CCDC136: variants seen among roughly 807,000 people sequenced by gnomAD.
CCDC136 encodes the protein coiled-coil domain containing 136.
A neutral mutation model predicts 141.2 loss-of-function variants in CCDC136; 100 were observed. The observed-to-expected ratio is 0.71, with a 90% CI of 0.60 to 0.84. The LOEUF is 0.84. Among genes scored for constraint, CCDC136 ranks in the 40% least tolerant of loss-of-function variants. The pLI, the probability that CCDC136 is intolerant of heterozygous loss-of-function variation, is 0.00. For missense variants in CCDC136, 1,206 were observed against 1,379.4 expected (o/e 0.87, Z 1.99); for synonymous variants, 474 against 531.9 (o/e 0.89, Z 1.50).
rs1807505061 is a variant in CCDC136 at position 128,822,130 on chromosome 7, A to G, written c.*337A>G. 1 of 1,166,646 alleles carries G rather than the reference A, an allele frequency of 8.6e-7. No homozygotes were observed. Among genetic ancestry groups the G allele is most frequent in the African/African-American group, 1.6e-5 (1 of 62,158 alleles). 72.3% of individuals were successfully genotyped at this position (1,166,646 alleles called of 1,614,324 possible). A position where few individuals can be genotyped will look rare whatever the true frequency, so the allele number is the denominator to read the frequency against. Reference sequence around the variant, plus strand: ...TGTAATTAAATATCAACTGAATTACATGAGACTGTGGATTTTTATTTGCTA... The same window carrying G: ...TGTAATTAAATATCAACTGAATTACGTGAGACTGTGGATTTTTATTTGCTA... On this transcript the variant is annotated 3_prime_UTR_variant, in exon 18 of 18. Transcript: ENST00000297788.
chr7:128,812,004 G>A lies in CCDC136; in HGVS notation c.2233G>A (p.Gly745Arg), dbSNP rs760434004. ...PSIKMSLESYGKSYGSMVPSN... is the reference protein window; with the variant it reads ...PSIKMSLESYRKSYGSMVPSN... ...TATAAAAATGAGCCTTGAGTCCTAC[G>A]GGAAGAGCTATGGTAGCATGGTCCC... Residue 745 changes from glycine (G) to arginine (R), a missense_variant, in exon 13 of 18, where the codon GGG becomes AGG. Transcript: ENST00000297788. 47 of 1,613,854 alleles carry A rather than the reference G, an allele frequency of 2.9e-5. No homozygotes were observed. The highest frequency in any genetic ancestry group is 1.6e-4 in the Middle Eastern group (1 of 6,084).
rs201403112 is a variant in CCDC136, at chr7:128,814,809, C to T, written c.2935C>T (p.Arg979Trp). Residue 979 changes from arginine to tryptophan, a missense_variant, in exon 15 of 18, where the codon CGG (arginine) becomes TGG (tryptophan). Transcript: ENST00000297788. ...EKRPSVVKEA[R>W]GKNANKNMNK... is the part of the protein sequence containing the mutation. ...GAGGCCTTCTGTTGTCAAAGAAGCC[C>T]GGGGGAAGAATGCTAATAAGAACAT... 4.6e-4 allele frequency: 739 copies of T among 1,611,764 alleles called. 1 individual carries two copies. The highest frequency in any genetic ancestry group is 3.0e-3 in the Admixed American group (180 of 59,588).
chr7:128,791,961 T>C, upstream of CCDC136: 1 of 1,004,124 alleles, frequency 1.0e-6, no homozygotes, highest in South Asian at 3.3e-5. The surrounding 1 kb of genome is among the most constrained non-coding windows in gnomAD (Gnocchi z 7.1). Context: ...CCCCCACTCC[T>C]CCCTCCCTCC....
At position 128,794,417 on chromosome 7, in the gene CCDC136, A is replaced by G. The variant is rs762696240; in HGVS notation, c.86A>G (p.Glu29Gly). 19 of 1,553,912 alleles carry G rather than the reference A, an allele frequency of 1.2e-5. No individual in the cohort carries two copies. Among genetic ancestry groups the G allele is most frequent in the Non-Finnish European group, 8.7e-6 (10 of 1,148,134 alleles). The change falls in exon 2 of 18, where the codon GAA (glutamate) becomes GGA (glycine). Residue 29 changes from glutamate to glycine, a missense_variant. Physicochemically the swap from Glu to Gly is moderately conservative, Grantham distance 98. Coordinates refer to ENST00000297788, the MANE Select transcript of CCDC136 (RefSeq NM_022742.5). The surrounding 1 kb of genome is among the most constrained non-coding windows in gnomAD (Gnocchi z 4.3). ...EEEEEEEEVEEEEEQVQKGGS... is the reference protein window; with the variant it reads ...EEEEEEEEVEGEEEQVQKGGS... ...GAAGAGGAGGAAGAAGAGGTGGAAGAAGAAGAAGAACAAGTGCAGAAAGGT... is the reference window on the plus strand; with the variant it reads ...GAAGAGGAGGAAGAAGAGGTGGAAGGAGAAGAAGAACAAGTGCAGAAAGGT...
chr7:128,810,474 G>T, intron 12 of CCDC136, 108 bp downstream of exon 12: 1 of 760,334 alleles, frequency 1.3e-6, no homozygotes, highest in Non-Finnish European at 2.1e-6. Context: ...TTGGCCAGGG[G>T]TAAGGATAAG....
At position 128,812,048 on chromosome 7, in the gene CCDC136, C is replaced by T; in HGVS notation, c.2277C>T (p.Arg759=). The stretch of plus-strand genomic sequence containing the variant: ...TGGTCCCCAGCAATGAGAACTGTCG[C>T]AAGACTTATGATACCACTGTGGATG... The part of the protein sequence containing the change: ...GSMVPSNENC[R]KTYDTTVDDN... The change falls in exon 13 of 18, where the codon CGC becomes CGT. Residue 759 remains arginine (R), a synonymous_variant. Transcript: ENST00000297788. 6.2e-7 allele frequency: 1 copy of T among 1,613,976 alleles called. No homozygotes were observed. Among genetic ancestry groups the T allele is most frequent in the Non-Finnish European group, 8.5e-7 (1 of 1,179,886 alleles).
rs1284087070 is a variant in CCDC136, at chr7:128,811,926, G to T, written c.2155G>T (p.Asp719Tyr). The T allele has an allele frequency of 6.2e-7, 1 of 1,613,988 alleles. No homozygotes were observed. The highest frequency in any genetic ancestry group is 8.5e-7 in the Non-Finnish European group (1 of 1,179,872). Reference protein sequence around the residue: ...LLEERKRLQADLQLCLEEMQL... With the variant: ...LLEERKRLQAYLQLCLEEMQL... ...AGAGGAGCGGAAGAGGCTGCAGGCA[G>T]ACTTGCAGCTCTGCCTGGAAGAAAT... The change falls in exon 13 of 18, where the codon GAC (aspartate) becomes TAC (tyrosine). Residue 719 changes from aspartate to tyrosine, a missense_variant. By Grantham distance (160) the Asp-to-Tyr change is radical (BLOSUM62 -3). Transcript: ENST00000297788.
chr7:128,813,752 G>A (rs533459001), intron 14 of CCDC136, among the ~76,000 whole-genome samples: 9 of 152,218 alleles, frequency 5.9e-5, no homozygotes, highest in Admixed American at 2.0e-4. Context: ...AGGCCGAGGC[G>A]GGTGGATCAC....
chr7:128,809,212 G>A (rs1805325034), intron 10 of CCDC136: 2 of 447,672 alleles, frequency 4.5e-6, no homozygotes, highest in Non-Finnish European at 7.8e-6. Flanking sequence ...AATGGTGGAA[G>A]TTTAGAGCAA....
intron 11 of CCDC136, 102 bp downstream of exon 11, chr7:128,809,746 C>T: frequency 1.2e-6 from 1 of 862,362 alleles, no homozygotes; most frequent in Non-Finnish European, 1.8e-6. Context: ...AACTTTTTCT[C>T]TTACCAACCA....
chr7:128,801,049 A>G (rs1343689134), intron 3 of CCDC136, 137 bp from the exon 4 acceptor site: 2 of 622,868 alleles, frequency 3.2e-6, no homozygotes, highest in Non-Finnish European at 5.6e-6. Flanking sequence ...ATGATGCTAC[A>G]CTTCTCTGAT....
intron 3 of CCDC136, 40 bp from the exon 4 acceptor site, chr7:128,801,146 C>T (rs763613029): frequency 1.3e-5 from 19 of 1,491,858 alleles, no homozygotes; most frequent in Non-Finnish European, 1.8e-5. Context: ...TAGGTTAGTT[C>T]ACCTGCCCTC....
At chr7:128,806,589 A>G (rs1199417649) in intron 8 of CCDC136, 99 bp from the exon 9 acceptor site, 1 of 1,250,706 alleles carries the variant, frequency 8.0e-7, no homozygotes, top group African/African-American at 1.5e-5. Flanking sequence ...GGGCAGGAAG[A>G]AGCAAATCTT....
At chr7:128,811,001 G>GGA in intron 12 of CCDC136, among the ~76,000 whole-genome samples, 1 of 152,326 alleles carries the variant, frequency 6.6e-6, no homozygotes, top group East Asian at 1.9e-4. Context: ...TGACACAGGT[G>GGA]GAGATCACCA....
In CCDC136 at chr7:128,814,773, C is replaced by T. The variant is rs939243966; in HGVS notation, c.2899C>T (p.Leu967Phe). The T allele has an allele frequency of 6.2e-7, 1 of 1,613,448 alleles. No homozygotes were observed. Among genetic ancestry groups the T allele is most frequent in the Non-Finnish European group, 8.5e-7 (1 of 1,179,642 alleles). Reference sequence around the variant, plus strand: ...GTGCTGCCAGGAGGAGCTCCGCCAGCTCAGGGAGAAGAGGCCTTCTGTTGT... The same window carrying T: ...GTGCTGCCAGGAGGAGCTCCGCCAGTTCAGGGAGAAGAGGCCTTCTGTTGT... ...LQCCQEELRQ[L>F]REKRPSVVKE... is the part of the protein sequence containing the mutation. Residue 967 changes from leucine (L) to phenylalanine (F), a missense_variant, in exon 15 of 18, where the codon CTC (leucine) becomes TTC (phenylalanine). By Grantham distance (22) the Leu-to-Phe change is conservative (BLOSUM62 0). Transcript: ENST00000297788.
chr7:128,814,628 C>T lies in CCDC136; in HGVS notation c.2764-10C>T. 6.5e-7 allele frequency: 1 copy of T among 1,547,888 alleles called. No homozygotes were observed. The highest frequency in any genetic ancestry group is 1.4e-5 in the African/African-American group (1 of 72,798). ...CCAACTCTGGGTAACTGGCCCTCCA[C>T]TACCAACAGATCAAAGAACTGCAGA... On this transcript the variant is annotated splice_polypyrimidine_tract_variant and intron_variant, in intron 14 of 17. Coordinates refer to ENST00000297788, the MANE Select transcript of CCDC136 (RefSeq NM_022742.5).
At chr7:128,815,973 T>G (rs1275069766) in intron 16 of CCDC136, 42 bp downstream of exon 16, 3 of 1,566,336 alleles carry the variant, frequency 1.9e-6, no homozygotes, top group Non-Finnish European at 1.7e-6. Flanking sequence ...AAGTGGGGTC[T>G]TGGGCTCAGA....
chr7:128,794,755 C>G lies in CCDC136; in HGVS notation c.333C>G (p.Ile111Met). 1.3e-6 allele frequency: 2 copies of G among 1,551,640 alleles called. No individual in the cohort carries two copies. The highest frequency in any genetic ancestry group is 1.7e-6 in the Non-Finnish European group (2 of 1,146,914). Residue 111 changes from isoleucine (I) to methionine (M), a missense_variant, in exon 3 of 18, where the codon ATC becomes ATG. Physicochemically the swap from Ile to Met is conservative, Grantham distance 10. Coordinates refer to ENST00000297788, the MANE Select transcript of CCDC136 (RefSeq NM_022742.5). This position sits in a 1 kb window ranked among gnomAD's most constrained non-coding sequence, Gnocchi z 4.3. ...AQQAEVFTKQ[I>M]QQLQGELRSL... ...AGGCAGAGGTGTTCACCAAGCAGAT[C>G]CAGCAGCTCCAAGGTAATTCCCAGG...
chr7:128,809,675 G>A (rs1390929885), intron 11 of CCDC136, 31 bp downstream of exon 11: 13 of 1,440,104 alleles, frequency 9.0e-6, no homozygotes, highest in South Asian at 1.4e-5. Flanking sequence ...TGCTAACTGC[G>A]GGGAAGCTGC....
Sources: gnomAD v4.1 joint callset for allele counts (sites outside exome capture counted in the v4.1 genomes callset) on GRCh38, gnomAD v4.1.1 for gene constraint, Gnocchi (gnomAD v3.1) non-coding constraint, MANE v1.5 for transcripts, NCBI Gene and HGNC (gene_info 2026-07-23, HGNC 2026-07-21) for gene names.